The following EBF2 variants were observed in gnomAD, a reference collection of about 807,000 sequenced individuals.
The protein encoded by EBF2 is EBF transcription factor 2.
A neutral mutation model predicts 72.8 loss-of-function variants in EBF2; 21 were observed. The ratio of observed to expected loss-of-function variants is 0.29; its 90% CI spans 0.20 to 0.42. EBF2 has a LOEUF of 0.42. Ranked by LOEUF, EBF2 falls within the 10% of genes least tolerant of loss-of-function variation. The pLI, the probability that EBF2 is intolerant of heterozygous loss-of-function variation, is 1.00. For missense variants in EBF2, 637 were observed against 731.2 expected (o/e 0.87, Z 1.49); for synonymous variants, 299 against 274.2 (o/e 1.09, Z -0.89).
intron 6 of EBF2, among the ~76,000 whole-genome samples, chr8:26,019,170 G>C (rs555886896): frequency 5.0e-4 from 76 of 152,224 alleles, no homozygotes; most frequent in African/African-American, 1.8e-3. Context: ...ATGCCAAGAA[G>C]CTTTTAGGAA....
At chr8:25,860,516 C>T (rs1442012972) in intron 13 of EBF2, among the ~76,000 whole-genome samples, 6 of 147,440 alleles carry the variant, frequency 4.1e-5, no homozygotes, top group East Asian at 2.0e-4. Flanking sequence ...GACAGGTTCT[C>T]GCTCTGTTGC....
At chr8:26,040,747 G>A (rs1805586171) in intron 3 of EBF2, 76 bp from the exon 4 acceptor site, 1 of 1,521,820 alleles carries the variant, frequency 6.6e-7, no homozygotes, top group Admixed American at 2.0e-5. Flanking sequence ...TCTGCCATGG[G>A]TCTGAGGCCC....
At chr8:25,959,524 C>A (rs1804002468) in intron 6 of EBF2, among the ~76,000 whole-genome samples, 1 of 152,196 alleles carries the variant, frequency 6.6e-6, no homozygotes, top group African/African-American at 2.4e-5. Flanking sequence ...TTTTTATAAG[C>A]AAATGAATTG....
At chr8:25,954,296 A>G (rs1165071001) in intron 6 of EBF2, among the ~76,000 whole-genome samples, 1 of 152,184 alleles carries the variant, frequency 6.6e-6, no homozygotes, top group African/African-American at 2.4e-5. Context: ...AGCATCCCAG[A>G]GGGCTGCCCG....
Position 25,928,828 on chromosome 8 carries a change from C to T in EBF2, c.552-20273G>A, listed in dbSNP as rs78505536. ...CAGGGAAATGGAGAGGAGAAAGGAA[C>T]TAGAGGACACCTCTTTCCACCAGGA... is the stretch of plus-strand genomic sequence containing the variant. On this transcript the variant is annotated intron_variant, in intron 6 of 15. Transcript: ENST00000520164. 9.7e-3 allele frequency among the ~76,000 whole-genome samples: 1,273 copies of T among 131,510 alleles called. 42 individuals carry two copies. The East Asian group carries it at 0.11, about 11-fold the overall frequency. The allele number at this position is 131,510 out of a possible 152,430, so 86.3% of individuals were successfully genotyped here.
At chr8:25,978,351 T>C (rs1456029410) in intron 6 of EBF2, among the ~76,000 whole-genome samples, 1 of 152,206 alleles carries the variant, frequency 6.6e-6, no homozygotes. Flanking sequence ...CTTTTACGAC[T>C]GCTAAATGCC....
chr8:25,850,756 A>C lies in EBF2; in HGVS notation c.1534T>G (p.Ser512Ala). Reference sequence around the variant, plus strand: ...GAAGACCCAACGGTGGGACTTGATGACATGACTGGAAAGCAAATGCACAAT... The same window carrying C: ...GAAGACCCAACGGTGGGACTTGATGCCATGACTGGAAAGCAAATGCACAAT... ...SPTGSPYGIM[S>A]SSPTVGSSST... Residue 512 changes from serine (S) to alanine (A), a missense_variant, in exon 15 of 16, where the codon TCA (serine) becomes GCA (alanine). Physicochemically the swap from Ser to Ala is moderately conservative, Grantham distance 99. This residue lies in a region of EBF2 where 259 missense variants were observed against 268.1 expected (regional missense o/e 0.97). Coordinates refer to ENST00000520164, the MANE Select transcript of EBF2 (RefSeq NM_022659.4). 1 of 1,557,286 alleles carries C rather than the reference A, an allele frequency of 6.4e-7. No homozygotes were observed. Among genetic ancestry groups the C allele is most frequent in the Non-Finnish European group, 8.6e-7 (1 of 1,159,688 alleles).
chr8:25,880,552 A>G (rs1802590059), intron 10 of EBF2, among the ~76,000 whole-genome samples: 2 of 152,054 alleles, frequency 1.3e-5, no homozygotes, highest in African/African-American at 2.4e-5. Context: ...TATACCCTTA[A>G]TGTGTGCAAA....
chr8:25,866,491 A>AAT (rs1220876187), intron 10 of EBF2, among the ~76,000 whole-genome samples: 7 of 133,800 alleles, frequency 5.2e-5, no homozygotes, highest in Admixed American at 1.5e-4. Flanking sequence ...AAAAATATAT[A>AAT]ATATATATAA....
At chr8:25,887,628 C>T (rs190805063) in intron 9 of EBF2, among the ~76,000 whole-genome samples, 20 of 152,152 alleles carry the variant, frequency 1.3e-4, no homozygotes, top group East Asian at 1.2e-3. Flanking sequence ...CATTTTTTAA[C>T]GGTGGAGTGA....
intron 6 of EBF2, among the ~76,000 whole-genome samples, chr8:25,963,235 A>T (rs1440738583): frequency 5.3e-5 from 8 of 152,152 alleles, no homozygotes; most frequent in Admixed American, 5.2e-4. Flanking sequence ...GCACAGGGAA[A>T]ATGACTCATT....
intron 6 of EBF2, among the ~76,000 whole-genome samples, chr8:25,992,345 A>AAG (rs1201813769): frequency 6.6e-6 from 1 of 151,022 alleles, no homozygotes; most frequent in Non-Finnish European, 1.5e-5. Context: ...AAAAAAAAAA[A>AAG]AAAAAAAAAA....
intron 6 of EBF2, among the ~76,000 whole-genome samples, chr8:25,932,149 G>A (rs1803492434): frequency 6.6e-6 from 1 of 152,228 alleles, no homozygotes; most frequent in Middle Eastern, 3.4e-3. Flanking sequence ...CTGGGTTCTA[G>A]TCCCAGAACT....
rs1400719225 is a variant in EBF2, at chr8:25,858,401, G to A, written c.1446C>T (p.Tyr482=). ...CCAAGTTGGCCATGGGGACATTGCT[G>A]TAGCCATTCATACTGTTGCTGGAGG... ...YSTSSNSMNG[Y]SNVPMANLGV... Residue 482 remains tyrosine, a synonymous_variant, in exon 14 of 16, where the codon TAC becomes TAT. Transcript: ENST00000520164. 5 of 1,614,170 alleles carry A rather than the reference G, an allele frequency of 3.1e-6. No homozygotes were observed. Among genetic ancestry groups the A allele is most frequent in the East Asian group, 2.2e-5 (1 of 44,874 alleles).
At chr8:25,878,119 G>C (rs961158101) in intron 10 of EBF2, among the ~76,000 whole-genome samples, 1 of 152,204 alleles carries the variant, frequency 6.6e-6, no homozygotes, top group Non-Finnish European at 1.5e-5. Flanking sequence ...CCCAAAGGCA[G>C]TGCTTCCGGC....
chr8:26,044,718 C>A lies in EBF2; in HGVS notation c.131+11G>T. On this transcript the variant is annotated intron_variant, in intron 1 of 15. Coordinates refer to ENST00000520164, the MANE Select transcript of EBF2 (RefSeq NM_022659.4). This position sits in a 1 kb window ranked among gnomAD's most constrained non-coding sequence, Gnocchi z 4.1. The stretch of plus-strand genomic sequence containing the variant: ...AGAGACAGCATAATAATTGCGCGGC[C>A]GTGTCGTTACCTCTGCGCGGCGACA... The A allele has an allele frequency of 6.2e-7, 1 of 1,613,382 alleles. No homozygotes were observed. Among genetic ancestry groups the A allele is most frequent in the Non-Finnish European group, 8.5e-7 (1 of 1,179,578 alleles).
At chr8:25,852,343 A>AC (rs1801999371) in intron 14 of EBF2, among the ~76,000 whole-genome samples, 1 of 149,946 alleles carries the variant, frequency 6.7e-6, no homozygotes, top group Admixed American at 6.6e-5. Flanking sequence ...CCAACTTTTC[A>AC]TTTTCTCTAC....
chr8:25,897,690 A>G (rs1170266475), intron 7 of EBF2, among the ~76,000 whole-genome samples: 1 of 152,230 alleles, frequency 6.6e-6, no homozygotes, highest in Non-Finnish European at 1.5e-5. Context: ...TGCAAAGGAC[A>G]TGATTTCATT....
At chr8:25,987,834 A>G (rs879695019) in intron 6 of EBF2, among the ~76,000 whole-genome samples, 1 of 151,648 alleles carries the variant, frequency 6.6e-6, no homozygotes, top group Non-Finnish European at 1.5e-5. Context: ...TGTGGGCTCC[A>G]GGTAGTAGCT....
Sources: gnomAD v4.1 joint callset for allele counts (sites outside exome capture counted in the v4.1 genomes callset) on GRCh38, gnomAD v4.1.1 for gene constraint, gnomAD v4.1.1 regional missense constraint, Gnocchi (gnomAD v3.1) non-coding constraint, MANE v1.5 for transcripts, NCBI Gene and HGNC (gene_info 2026-07-23, HGNC 2026-07-21) for gene names.